Variants in TCTN2 observed in about 807,000 individuals in gnomAD.
TCTN2 encodes the protein tectonic-2.
Under a neutral mutation model 83.4 loss-of-function variants are expected in TCTN2, and 66 were observed. The observed-to-expected ratio is 0.79, with a 90% CI of 0.65 to 0.97. The LOEUF is 0.97. Among genes scored for constraint, TCTN2 ranks in the 50% least tolerant of loss-of-function variants. The pLI, the probability that TCTN2 is intolerant of heterozygous loss-of-function variation, is 0.00. For synonymous variants in TCTN2, 301 were observed against 326.7 expected (o/e 0.92, Z 0.85); for missense variants, 794 against 858.1 (o/e 0.93, Z 0.93).
At chr12:123,702,492 G>A (rs1471967370) in intron 14 of TCTN2, among the ~76,000 whole-genome samples, 1 of 151,940 alleles carries the variant, frequency 6.6e-6, no homozygotes, top group Admixed American at 6.6e-5. Context: ...AGCTTGAGGT[G>A]CCCCAGACCA....
At chr12:123,671,773 C>G (rs1485787732) in intron 2 of TCTN2, among the ~76,000 whole-genome samples, 159 bp downstream of exon 2, 1 of 152,190 alleles carries the variant, frequency 6.6e-6, no homozygotes, top group Admixed American at 6.5e-5. Flanking sequence ...CCAAAGAGGA[C>G]AGACGGACAG....
Position 123,673,689 on chromosome 12 carries a change from A to T in TCTN2, c.342A>T (p.Ser114=). 1 of 1,614,208 alleles carries T rather than the reference A, an allele frequency of 6.2e-7. No homozygotes were observed. Among genetic ancestry groups the T allele is most frequent in the East Asian group, 2.2e-5 (1 of 44,894 alleles). Residue 114 remains serine, a synonymous_variant, in exon 4 of 18, where the codon TCA becomes TCT. Transcript: ENST00000303372. ...WCSSNETDSF[S]ESPCILQTLL... is the part of the protein sequence containing the mutation. ...CCTCCAATGAGACAGATTCCTTCTCAGAGTCCCCCTGTATCCTCCAGACCC... is the reference window on the plus strand; with the variant it reads ...CCTCCAATGAGACAGATTCCTTCTCTGAGTCCCCCTGTATCCTCCAGACCC...
chr12:123,690,623 C>G lies in TCTN2; in HGVS notation c.982C>G (p.Gln328Glu). 6.2e-7 allele frequency: 1 copy of G among 1,613,992 alleles called. No individual in the cohort carries two copies. Among genetic ancestry groups the G allele is most frequent in the Non-Finnish European group, 8.5e-7 (1 of 1,180,002 alleles). ...VKCVTNLELY[Q>E]ERDGIINAKI... ...ATGCGTTACTAATTTGGAACTATACCAAGAACGAGATGGTATTATCAATGC... is the reference window on the plus strand; with the variant it reads ...ATGCGTTACTAATTTGGAACTATACGAAGAACGAGATGGTATTATCAATGC... Residue 328 changes from glutamine (Q) to glutamate (E), a missense_variant, in exon 8 of 18, where the codon CAA becomes GAA. Coordinates refer to ENST00000303372, the MANE Select transcript of TCTN2 (RefSeq NM_024809.5).
At chr12:123,688,309 G>C in intron 7 of TCTN2, 132 bp downstream of exon 7, 1 of 1,195,050 alleles carries the variant, frequency 8.4e-7, no homozygotes, top group Non-Finnish European at 1.2e-6. Flanking sequence ...TCTGCCTCCC[G>C]GGTTCAAGTG....
intron 13 of TCTN2, among the ~76,000 whole-genome samples, 195 bp from the exon 14 acceptor site, chr12:123,699,509 C>T (rs532562955): frequency 6.6e-6 from 1 of 152,198 alleles, no homozygotes; most frequent in African/African-American, 2.4e-5. Flanking sequence ...TGTTCTCCCC[C>T]AGGTGTGTGG....
rs963456224 is a variant in TCTN2 at position 123,694,715 on chromosome 12, G to A, written c.1100-127G>A. On this transcript the variant is annotated intron_variant, in intron 9 of 17. Transcript: ENST00000303372. ...GAAGCAGTGACCGTGCCATGTTAGGGAGCTGGAGATAGGGAGGGCAGGGGC... is the reference window on the plus strand; with the variant it reads ...GAAGCAGTGACCGTGCCATGTTAGGAAGCTGGAGATAGGGAGGGCAGGGGC... 6 of 963,176 alleles carry A rather than the reference G, an allele frequency of 6.2e-6. No homozygotes were observed. The East Asian group carries it at 1.5e-4, about 24-fold the overall frequency. The allele number at this position is 963,176 out of a possible 1,614,324, so 59.7% of individuals were successfully genotyped here. A position where few individuals can be genotyped will look rare whatever the true frequency, so the allele number is the denominator to read the frequency against.
intron 13 of TCTN2, 109 bp downstream of exon 13, chr12:123,697,307 A>G: frequency 1.2e-6 from 1 of 827,308 alleles, no homozygotes. Flanking sequence ...GAGTCAATTA[A>G]AATGTGTAAA....
intron 4 of TCTN2, among the ~76,000 whole-genome samples, chr12:123,674,210 A>C (rs923334003): frequency 1.3e-5 from 2 of 151,790 alleles, no homozygotes; most frequent in Non-Finnish European, 2.9e-5. Flanking sequence ...TACTGTTTGC[A>C]TCTTTATAAG....
intron 4 of TCTN2, among the ~76,000 whole-genome samples, chr12:123,678,244 G>A (rs1955849145): frequency 6.6e-6 from 1 of 152,234 alleles, no homozygotes; most frequent in Non-Finnish European, 1.5e-5. Flanking sequence ...ACACTGGACA[G>A]TTGAAAGGGG....
intron 13 of TCTN2, among the ~76,000 whole-genome samples, chr12:123,697,860 CTTTT>C (rs536696616): frequency 9.5e-5 from 13 of 136,504 alleles, no homozygotes; most frequent in African/African-American, 2.4e-4. Flanking sequence ...GGGTGATTAA[CTTTT>C]TTTTTTTTTT....
rs766586489 is a variant in TCTN2 at position 123,673,569 on chromosome 12, C to A, written c.268-46C>A. 4 of 1,571,860 alleles carry A rather than the reference C, an allele frequency of 2.5e-6. No individual in the cohort carries two copies. In the African/African-American group the frequency reaches 4.1e-5, roughly 16 times the overall value. ...GTTTTCCATTATGTATTCTTATAGA[C>A]CCTGTTTTGAGTCACTTTAAAAATA... is the stretch of plus-strand genomic sequence containing the variant. On this transcript the variant is annotated intron_variant, in intron 3 of 17. Transcript: ENST00000303372.
intron 14 of TCTN2, among the ~76,000 whole-genome samples, chr12:123,701,615 C>A (rs949372394): frequency 1.3e-4 from 20 of 151,458 alleles, no homozygotes; most frequent in African/African-American, 4.9e-4. Context: ...TGGTGGTGGG[C>A]GCCTGTAGTC....
chr12:123,706,647 A>C (rs1401665942), intron 15 of TCTN2, 79 bp from the exon 16 acceptor site: 20 of 1,607,878 alleles, frequency 1.2e-5, no homozygotes, highest in Non-Finnish European at 1.7e-5. Flanking sequence ...TTATATTGTG[A>C]TTGCATCCGT....
intron 7 of TCTN2, among the ~76,000 whole-genome samples, chr12:123,688,608 C>T (rs1593849803): frequency 6.6e-6 from 1 of 152,238 alleles, no homozygotes; most frequent in East Asian, 1.9e-4. Context: ...TTCCTCCTTT[C>T]TACCTTTCAG....
At position 123,690,543 on chromosome 12, in the gene TCTN2, C is replaced by T. The variant is rs754091453; in HGVS notation, c.902C>T (p.Ala301Val). 4.3e-6 allele frequency: 7 copies of T among 1,614,196 alleles called. No individual in the cohort carries two copies. In the South Asian group the frequency reaches 7.7e-5, roughly 18 times the overall value. The change falls in exon 8 of 18, where the codon GCT becomes GTT. Residue 301 changes from alanine (A) to valine (V), a missense_variant. Transcript: ENST00000303372. ...GCCCTTCTCCCTCAGGTGTCCCTGG[C>T]TGGGCAGTGTATGCAGAACGCCCCA... is the stretch of plus-strand genomic sequence containing the variant. ...AYFTIPQVSLAGQCMQNAPVA... is the reference protein window; with the variant it reads ...AYFTIPQVSLVGQCMQNAPVA...
chr12:123,694,326 G>A (rs552391413), intron 9 of TCTN2, among the ~76,000 whole-genome samples: 2 of 152,128 alleles, frequency 1.3e-5, no homozygotes, highest in South Asian at 4.2e-4. Context: ...ACAGGGTTTC[G>A]CCATGCTGGC....
chr12:123,701,117 A>T (rs983414999), intron 14 of TCTN2, among the ~76,000 whole-genome samples: 7 of 152,208 alleles, frequency 4.6e-5, no homozygotes, highest in Non-Finnish European at 7.3e-5. Flanking sequence ...AAAAGAAAAT[A>T]AAGTGATTGA....
intron 2 of TCTN2, 114 bp downstream of exon 2, chr12:123,671,728 G>T (rs1955755668): frequency 8.0e-6 from 7 of 880,182 alleles, no homozygotes; most frequent in Admixed American, 4.2e-5. Flanking sequence ...CTGCAAAGTC[G>T]CATGGGGAGA....
intron 14 of TCTN2, among the ~76,000 whole-genome samples, chr12:123,701,659 TAG>T: frequency 6.7e-6 from 1 of 149,652 alleles, no homozygotes; most frequent in African/African-American, 2.5e-5. Flanking sequence ...AGGAGAATGG[TAG>T]GAACCCGGGA....
Sources: gnomAD v4.1 joint callset for allele counts (sites outside exome capture counted in the v4.1 genomes callset) on GRCh38, gnomAD v4.1.1 for gene constraint, MANE v1.5 for transcripts, NCBI Gene and HGNC (gene_info 2026-07-23, HGNC 2026-07-21) for gene names.